Variants in USP25 observed in about 807,000 individuals in gnomAD.
USP25 encodes the protein ubiquitin specific peptidase 25.
A neutral mutation model predicts 158.5 loss-of-function variants in USP25; 85 were observed. That is an observed-to-expected ratio of 0.54 (90% CI 0.45 to 0.64). The LOEUF (loss-of-function observed/expected upper bound fraction) is 0.64, where lower values mean the gene tolerates loss of function less well. USP25 is among the 30% of genes least tolerant of loss of function. USP25 has a pLI of 0.00. For synonymous variants in USP25, 464 were observed against 460.4 expected (o/e 1.01, Z -0.10); for missense variants, 1,242 against 1,327.3 (o/e 0.94, Z 1.00).
chr21:15,849,933 T>C, intron 20 of USP25, 61 bp downstream of exon 20: 1 of 1,250,244 alleles, frequency 8.0e-7, no homozygotes, highest in Non-Finnish European at 1.1e-6. Flanking sequence ...TCTTAAAATA[T>C]TTTATTTCTT....
intron 4 of USP25, among the ~76,000 whole-genome samples, chr21:15,790,839 G>A (rs1279516621): frequency 1.3e-5 from 2 of 151,762 alleles, no homozygotes; most frequent in African/African-American, 4.8e-5. Context: ...ATATACTTAA[G>A]ATATTCATAG....
intron 17 of USP25, 125 bp downstream of exon 17, chr21:15,833,673 C>T: frequency 1.2e-6 from 1 of 862,886 alleles, no homozygotes; most frequent in Admixed American, 2.9e-5. Context: ...ATTTCAAATT[C>T]CATCACTCAG....
chr21:15,769,440 G>A (rs1359608775), intron 3 of USP25, among the ~76,000 whole-genome samples: 3 of 152,000 alleles, frequency 2.0e-5, no homozygotes, highest in East Asian at 1.9e-4. Context: ...ATTAGCAAAC[G>A]TACTAGGTAA....
At chr21:15,790,750 A>G (rs1398595961) in intron 4 of USP25, among the ~76,000 whole-genome samples, 1 of 151,076 alleles carries the variant, frequency 6.6e-6, no homozygotes, top group Non-Finnish European at 1.5e-5. Context: ...AGGGTTTTCC[A>G]GTTATGATTA....
Position 15,735,924 on chromosome 21 carries a change from T to C in USP25, c.45+5486T>C, listed in dbSNP as rs555496910. The stretch of plus-strand genomic sequence containing the variant: ...GTTCTAGAAAATTCTAAATTTCATT[T>C]AGGTTTCTGTATTTATTGGTCTAAA... On this transcript the variant is annotated intron_variant, in intron 1 of 25. Transcript: ENST00000400183. Among the ~76,000 whole-genome samples the C allele has an allele frequency of 3.9e-4, 59 of 152,180 alleles. 2 individuals carry two copies. The Middle Eastern group carries it at 0.014, about 35-fold the overall frequency.
At chr21:15,743,000 A>G (rs2032203272) in intron 1 of USP25, among the ~76,000 whole-genome samples, 1 of 152,228 alleles carries the variant, frequency 6.6e-6, no homozygotes, top group African/African-American at 2.4e-5. Context: ...TGGAGCCCCA[A>G]GGGGGTGTCA....
chr21:15,821,665 CTG>C (rs2037243705), intron 10 of USP25, among the ~76,000 whole-genome samples: 1 of 151,962 alleles, frequency 6.6e-6, no homozygotes. Context: ...AATTAAATGA[CTG>C]GAGCTAATTT....
chr21:15,775,468 G>T (rs2034585082), intron 3 of USP25, among the ~76,000 whole-genome samples: 1 of 152,178 alleles, frequency 6.6e-6, no homozygotes. Flanking sequence ...CAGGGAAGCG[G>T]CTACTTCTGT....
chr21:15,859,544 T>G (rs571073746), intron 20 of USP25, among the ~76,000 whole-genome samples: 2 of 152,274 alleles, frequency 1.3e-5, no homozygotes, highest in Admixed American at 6.5e-5. Context: ...TCACAGAAAT[T>G]ATCTGATCCT....
rs541194752 is a variant in USP25 at position 15,799,564 on chromosome 21, A to G, written c.556-193A>G. 50 of 410,556 alleles carry G rather than the reference A, an allele frequency of 1.2e-4. No homozygotes were observed. The South Asian group carries it at 2.7e-3, about 22-fold the overall frequency. 25.4% of individuals were successfully genotyped at this position (410,556 alleles called of 1,614,324 possible). On this transcript the variant is annotated intron_variant, in intron 5 of 25. Coordinates refer to ENST00000400183, the MANE Select transcript of USP25 (RefSeq NM_001283041.3). ...CCAAATATAATCTTGTGCACTATCAAGTATCAAGAATGGTATGTCAAATAA... is the reference window on the plus strand; with the variant it reads ...CCAAATATAATCTTGTGCACTATCAGGTATCAAGAATGGTATGTCAAATAA...
At chr21:15,817,765 A>G (rs530821729) in intron 9 of USP25, among the ~76,000 whole-genome samples, 2 of 151,114 alleles carry the variant, frequency 1.3e-5, no homozygotes, top group South Asian at 4.2e-4. Flanking sequence ...TACCACGAGA[A>G]CGGTATGGGG....
chr21:15,747,356 T>C (rs2032638483), intron 1 of USP25, among the ~76,000 whole-genome samples: 1 of 151,890 alleles, frequency 6.6e-6, no homozygotes, highest in Admixed American at 6.6e-5. Flanking sequence ...ATATTTGAAA[T>C]AGTATACCAT....
At chr21:15,792,777 T>C (rs540962680) in intron 5 of USP25, among the ~76,000 whole-genome samples, 70 of 151,758 alleles carry the variant, frequency 4.6e-4, no homozygotes, top group African/African-American at 1.6e-3. Flanking sequence ...TTTCTTTGTT[T>C]TTCTGGATTT....
chr21:15,841,315 A>G (rs562277164), intron 17 of USP25, among the ~76,000 whole-genome samples: 6 of 152,058 alleles, frequency 3.9e-5, no homozygotes, highest in Non-Finnish European at 8.8e-5. Context: ...ATGTTGCTCT[A>G]CTGCCTTCTA....
chr21:15,826,009 G>A lies in USP25; in HGVS notation c.1305-195G>A, dbSNP rs764856655. 6.6e-6 allele frequency among the ~76,000 whole-genome samples: 1 copy of A among 151,996 alleles called. No individual in the cohort carries two copies. Among genetic ancestry groups the A allele is most frequent in the Non-Finnish European group, 1.5e-5 (1 of 67,986 alleles). On this transcript the variant is annotated intron_variant, in intron 12 of 25. Transcript: ENST00000400183. This position sits in a 1 kb window ranked among gnomAD's most constrained non-coding sequence, Gnocchi z 4.8. ...CTCACATTCAGTCCCAATCGGCCTTGGTTTCCTGTCTTTGGGGAACTTTTA... is the reference window on the plus strand; with the variant it reads ...CTCACATTCAGTCCCAATCGGCCTTAGTTTCCTGTCTTTGGGGAACTTTTA...
At position 15,826,925 on chromosome 21, in the gene USP25, C is replaced by A; in HGVS notation, c.1467-52C>A. On this transcript the variant is annotated intron_variant, in intron 13 of 25. Transcript: ENST00000400183. The surrounding 1 kb of genome is among the most constrained non-coding windows in gnomAD (Gnocchi z 4.8). ...ACTGTGGGTTTGGCACGATCTTTGTCAAGAGTTTCAGCTTGAAAGGTTAAT... is the reference window on the plus strand; with the variant it reads ...ACTGTGGGTTTGGCACGATCTTTGTAAAGAGTTTCAGCTTGAAAGGTTAAT... 6.3e-7 allele frequency: 1 copy of A among 1,583,800 alleles called. No individual in the cohort carries two copies. Among genetic ancestry groups the A allele is most frequent in the South Asian group, 1.1e-5 (1 of 90,040 alleles).
intron 1 of USP25, among the ~76,000 whole-genome samples, chr21:15,743,398 GA>G (rs528382777): frequency 6.6e-6 from 1 of 152,178 alleles, no homozygotes; most frequent in Non-Finnish European, 1.5e-5. Context: ...GAGGAAGGCA[GA>G]GAAGAATGTT....
chr21:15,750,145 A>T (rs1955211554), intron 1 of USP25, among the ~76,000 whole-genome samples: 2 of 145,932 alleles, frequency 1.4e-5, no homozygotes, highest in South Asian at 4.5e-4. Flanking sequence ...ATGGCCAATG[A>T]TTTAATCAAT....
intron 4 of USP25, 90 bp from the exon 5 acceptor site, chr21:15,791,412 C>T: frequency 1.5e-6 from 2 of 1,294,662 alleles, no homozygotes; most frequent in Non-Finnish European, 2.0e-6. Context: ...TTATTGAAAT[C>T]TTATGTAATG....
Sources: gnomAD v4.1 joint callset for allele counts (sites outside exome capture counted in the v4.1 genomes callset) on GRCh38, gnomAD v4.1.1 for gene constraint, Gnocchi (gnomAD v3.1) non-coding constraint, MANE v1.5 for transcripts, NCBI Gene and HGNC (gene_info 2026-07-23, HGNC 2026-07-21) for gene names.